Variants in SERAC1 observed in about 807,000 individuals in gnomAD.
SERAC1 encodes protein SERAC1.
A neutral mutation model predicts 85.7 loss-of-function variants in SERAC1; 36 were observed. The observed-to-expected ratio is 0.42, with a 90% CI of 0.32 to 0.55. The LOEUF is 0.55. Among genes scored for constraint, SERAC1 ranks in the 20% least tolerant of loss-of-function variants. The pLI is 0.11. For missense variants in SERAC1, 629 were observed against 796.2 expected (o/e 0.79, Z 2.53); for synonymous variants, 242 against 265.3 (o/e 0.91, Z 0.85).
At chr6:158,139,455 A>G (rs1784867855) in intron 8 of SERAC1, among the ~76,000 whole-genome samples, 1 of 152,226 alleles carries the variant, frequency 6.6e-6, no homozygotes, top group Non-Finnish European at 1.5e-5. Flanking sequence ...ATTTGTATCT[A>G]GAATATATCA....
At chr6:158,152,603 TCA>T (rs752781742) in intron 3 of SERAC1, among the ~76,000 whole-genome samples, 9 of 152,272 alleles carry the variant, frequency 5.9e-5, no homozygotes, top group Non-Finnish European at 1.3e-4. Context: ...GCCCTCACTC[TCA>T]CTCACCCAGA....
rs1176294063 is a variant in SERAC1, at chr6:158,120,538, G to A, written c.1053C>T (p.Pro351=). The A allele has an allele frequency of 3.7e-6, 6 of 1,613,778 alleles. No homozygotes were observed. In the East Asian group the frequency reaches 8.9e-5, roughly 24 times the overall value. The part of the protein sequence containing the change: ...VSIMAEAMKS[P]HIMESSHAAR... ...CAGCGTGTGAGGACTCCATAATGTG[G>A]GGAGATTTCATTGCTTCTGCCATGA... Residue 351 remains proline (P), a synonymous_variant, in exon 11 of 17, where the codon CCC becomes CCT. Transcript: ENST00000647468. This position sits in a 1 kb window ranked among gnomAD's most constrained non-coding sequence, Gnocchi z 4.4.
Position 158,158,288 on chromosome 6 carries a change from G to A in SERAC1, c.76C>T (p.His26Tyr), listed in dbSNP as rs1458893341. The stretch of plus-strand genomic sequence containing the variant: ...CTGTACTCACTGATATCTCTCCAGT[G>A]TGTGCCACTTTTTGGTGGGGAAGTA... ...TSTSPPKSGT[H>Y]WRDIRNIIKF... Residue 26 changes from histidine to tyrosine, a missense_variant, in exon 2 of 17, where the codon CAC becomes TAC. Physicochemically the swap from His to Tyr is moderately conservative, Grantham distance 83. Coordinates refer to ENST00000647468, the MANE Select transcript of SERAC1 (RefSeq NM_032861.4). 2 of 1,611,106 alleles carry A rather than the reference G, an allele frequency of 1.2e-6. No individual in the cohort carries two copies. Among genetic ancestry groups the A allele is most frequent in the Admixed American group, 3.3e-5 (2 of 60,010 alleles).
chr6:158,158,202 C>T, intron 2 of SERAC1, 71 bp downstream of exon 2: 1 of 1,138,478 alleles, frequency 8.8e-7, no homozygotes, highest in African/African-American at 1.6e-5. Context: ...TTTTTGTGGC[C>T]CATCTTAGAA....
intron 10 of SERAC1, 31 bp downstream of exon 10, chr6:158,128,077 G>C (rs1306957501): frequency 1.3e-5 from 20 of 1,564,768 alleles, no homozygotes; most frequent in Non-Finnish European, 1.7e-5. Context: ...GGAGAACAAA[G>C]TAAAAAATAC....
At chr6:158,128,007 TA>T (rs929022314) in intron 10 of SERAC1, 100 bp downstream of exon 10, 318 of 1,896 alleles carry the variant, frequency 0.17, 15 homozygotes, top group African/African-American at 0.39. Flanking sequence ...AAAATAAATT[TA>T]AAAAAAAAAA....
intron 8 of SERAC1, 125 bp downstream of exon 8, chr6:158,142,930 AG>A (rs1382591458): frequency 4.2e-6 from 3 of 707,448 alleles, no homozygotes; most frequent in African/African-American, 1.8e-5. Flanking sequence ...CATCCAGCCC[AG>A]GGCATGACAC....
intron 2 of SERAC1, among the ~76,000 whole-genome samples, chr6:158,157,658 A>G (rs1263829967): frequency 6.6e-6 from 1 of 152,208 alleles, no homozygotes; most frequent in Non-Finnish European, 1.5e-5. Flanking sequence ...AAGTTATTTT[A>G]TTCTTCCATT....
chr6:158,166,678 A>G (rs1407499766), intron 1 of SERAC1, among the ~76,000 whole-genome samples: 4 of 152,060 alleles, frequency 2.6e-5, no homozygotes, highest in Admixed American at 2.6e-4. Flanking sequence ...GAGCCTTACA[A>G]TTTTCTGTCT....
intron 3 of SERAC1, among the ~76,000 whole-genome samples, chr6:158,152,420 A>G (rs1000095561): frequency 4.6e-5 from 7 of 152,102 alleles, no homozygotes; most frequent in Admixed American, 1.3e-4. Context: ...GGAGGCTGAG[A>G]CAGGAGAATT....
Position 158,143,183 on chromosome 6 carries a change from T to A in SERAC1, c.611A>T (p.Asp204Val). The change falls in exon 8 of 17, where the codon GAT becomes GTT. Residue 204 changes from aspartate to valine, a missense_variant and splice_region_variant. Coordinates refer to ENST00000647468, the MANE Select transcript of SERAC1 (RefSeq NM_032861.4). ...LPPPLPSLKEDSSTEEELRQL... is the reference protein window; with the variant it reads ...LPPPLPSLKEVSSTEEELRQL... The stretch of plus-strand genomic sequence containing the variant: ...TCTGAGCTCTTCTTCAGTGGAAGAA[T>A]CCTGAAATAAAAGGAAAGGAAATTC... The A allele has an allele frequency of 2.5e-6, 4 of 1,611,512 alleles. No individual in the cohort carries two copies. The highest frequency in any genetic ancestry group is 3.4e-6 in the Non-Finnish European group (4 of 1,179,214).
At chr6:158,116,372 C>T (rs182621908) in intron 13 of SERAC1, 90 bp from the exon 14 acceptor site, 3 of 917,654 alleles carry the variant, frequency 3.3e-6, no homozygotes, top group South Asian at 1.4e-5. Context: ...CTTTAGTCTA[C>T]AGGACCAATG....
chr6:158,149,253 A>G (rs1785148849), intron 4 of SERAC1, among the ~76,000 whole-genome samples: 1 of 152,202 alleles, frequency 6.6e-6, no homozygotes, highest in African/African-American at 2.4e-5. Context: ...CGGCCTCCCA[A>G]AGTGCTGGGA....
chr6:158,132,428 C>T (rs754572713), intron 8 of SERAC1, among the ~76,000 whole-genome samples: 1 of 152,114 alleles, frequency 6.6e-6, no homozygotes, highest in Non-Finnish European at 1.5e-5. Context: ...CATGAAAAGT[C>T]GTCCTTCTCT....
intron 5 of SERAC1, among the ~76,000 whole-genome samples, 200 bp from the exon 6 acceptor site, chr6:158,147,113 C>CT (rs1213016976): frequency 2.6e-5 from 4 of 151,446 alleles, no homozygotes; most frequent in Admixed American, 6.6e-5. Context: ...ACTGTGTGTG[C>CT]TTTTTTTTGG....
rs907820106 is a variant in SERAC1, at chr6:158,164,835, A to G, written c.-2+3305T>C. 3.3e-5 allele frequency among the ~76,000 whole-genome samples: 5 copies of G among 152,194 alleles called. No homozygotes were observed. The South Asian group carries it at 8.3e-4, about 25-fold the overall frequency. On this transcript the variant is annotated intron_variant, in intron 1 of 16. Coordinates refer to ENST00000647468, the MANE Select transcript of SERAC1 (RefSeq NM_032861.4). Reference sequence around the variant, plus strand: ...ATGGGCACTTACAAAGAATTGGCTAATGAAATATGAGTGGATGTGTCATGT... The same window carrying G: ...ATGGGCACTTACAAAGAATTGGCTAGTGAAATATGAGTGGATGTGTCATGT...
chr6:158,157,753 T>C (rs1785388351), intron 2 of SERAC1, among the ~76,000 whole-genome samples: 2 of 152,216 alleles, frequency 1.3e-5, no homozygotes, highest in Admixed American at 1.3e-4. Flanking sequence ...AATACTGCCT[T>C]CACAGAGTTT....
Position 158,117,520 on chromosome 6 carries a change from T to C in SERAC1, c.1403+207A>G, listed in dbSNP as rs572244121. On this transcript the variant is annotated intron_variant, in intron 13 of 16. Transcript: ENST00000647468. The surrounding 1 kb of genome is among the most constrained non-coding windows in gnomAD (Gnocchi z 4.3). ...AATAAACCATGTTAGGAGCCCACCA[T>C]TGGTGATATACCTAAGCCTTCTACT... is the stretch of plus-strand genomic sequence containing the variant. The C allele has an allele frequency of 3.2e-6, 5 of 1,550,514 alleles. No homozygotes were observed. The African/African-American group carries it at 4.1e-5, about 13-fold the overall frequency.
At chr6:158,131,366 T>C (rs1784669244) in intron 8 of SERAC1, among the ~76,000 whole-genome samples, 1 of 147,330 alleles carries the variant, frequency 6.8e-6, no homozygotes, top group Non-Finnish European at 1.5e-5. Context: ...ATACTATATA[T>C]TTATATCTAT....
Sources: gnomAD v4.1 joint callset for allele counts (sites outside exome capture counted in the v4.1 genomes callset) on GRCh38, gnomAD v4.1.1 for gene constraint, Gnocchi (gnomAD v3.1) non-coding constraint, MANE v1.5 for transcripts, NCBI Gene and HGNC (gene_info 2026-07-23, HGNC 2026-07-21) for gene names.